Variants in GRID2 observed in about 807,000 individuals in gnomAD.
GRID2 encodes the protein glutamate receptor ionotropic, delta-2.
A neutral mutation model predicts 114.8 loss-of-function variants in GRID2; 33 were observed. The ratio of observed to expected loss-of-function variants is 0.29; its 90% confidence interval spans 0.22 to 0.38. The LOEUF (loss-of-function observed/expected upper bound fraction) is 0.38. GRID2 is among the 10% of genes least tolerant of loss of function. The probability of loss-of-function intolerance (pLI) is 1.00; values close to 1 mark genes in which losing one functional copy is unlikely to be tolerated. For synonymous variants in GRID2, 505 were observed against 449.9 expected, an observed-to-expected ratio of 1.12 and a Z score of -1.55; for missense variants, 1,184 against 1,257.7, an observed-to-expected ratio of 0.94 and a Z score of 0.89.
At chr4:93,280,883 T>G (rs1365593851) in intron 8 of GRID2, among the ~76,000 whole-genome samples, 1 of 151,904 alleles carries the variant, frequency 6.6e-6, no homozygotes, top group Non-Finnish European at 1.5e-5. Flanking sequence ...CAACAAATAT[T>G]TGACTCCTAC....
At chr4:93,718,512 A>G (rs1442967107) in intron 14 of GRID2, among the ~76,000 whole-genome samples, 2 of 152,196 alleles carry the variant, frequency 1.3e-5, no homozygotes, top group Non-Finnish European at 2.9e-5. Context: ...GTTTGCTTTA[A>G]TTTTATTTTA....
chr4:92,614,282 T>C (rs1349377668), intron 2 of GRID2, among the ~76,000 whole-genome samples: 2 of 151,596 alleles, frequency 1.3e-5, no homozygotes, highest in African/African-American at 4.8e-5. Flanking sequence ...ATGAGAACTA[T>C]TTGCTTTTTT....
chr4:92,693,213 T>C (rs1241458007), intron 2 of GRID2, among the ~76,000 whole-genome samples: 1 of 152,126 alleles, frequency 6.6e-6, no homozygotes, highest in Non-Finnish European at 1.5e-5. Context: ...CAAATGTGAA[T>C]GTAGAGAATT....
chr4:93,170,088 C>G (rs1738649213), intron 4 of GRID2, among the ~76,000 whole-genome samples: 1 of 151,876 alleles, frequency 6.6e-6, no homozygotes. Flanking sequence ...ATCACATAAC[C>G]ATTTTATTTT....
chr4:92,965,450 TAA>T (rs869285420), intron 2 of GRID2, among the ~76,000 whole-genome samples: 14 of 85,768 alleles, frequency 1.6e-4, no homozygotes, highest in Non-Finnish European at 2.2e-4. Flanking sequence ...ATTCAATTTG[TAA>T]AAAAAAAAAA....
intron 8 of GRID2, among the ~76,000 whole-genome samples, chr4:93,341,218 T>A (rs1759615349): frequency 6.6e-6 from 1 of 152,212 alleles, no homozygotes; most frequent in Admixed American, 6.5e-5. Flanking sequence ...TTTCGGTAGA[T>A]ACTACATATG....
intron 2 of GRID2, among the ~76,000 whole-genome samples, chr4:92,796,840 C>T (rs925087992): frequency 1.3e-5 from 2 of 151,796 alleles, no homozygotes. Flanking sequence ...ATAATGACTT[C>T]ACTTGTTCTC....
chr4:92,319,352 A>T (rs899910507), intron 1 of GRID2, among the ~76,000 whole-genome samples: 1 of 152,232 alleles, frequency 6.6e-6, no homozygotes, highest in Non-Finnish European at 1.5e-5. Flanking sequence ...ACCTTCTTGC[A>T]GCCAATTGAG....
At chr4:93,482,502 C>T (rs1232835760) in intron 11 of GRID2, among the ~76,000 whole-genome samples, 8 of 151,802 alleles carry the variant, frequency 5.3e-5, no homozygotes, top group Middle Eastern at 3.4e-3. Context: ...CACATGGACA[C>T]GGAGGGAAAC....
intron 13 of GRID2, among the ~76,000 whole-genome samples, chr4:93,586,263 T>C (rs1418680587): frequency 6.6e-6 from 1 of 152,048 alleles, no homozygotes; most frequent in East Asian, 1.9e-4. Flanking sequence ...GATGTTTCCC[T>C]CATACTCAGG....
chr4:92,497,420 G>A (rs1195677246), intron 1 of GRID2, among the ~76,000 whole-genome samples: 1 of 151,694 alleles, frequency 6.6e-6, no homozygotes, highest in Non-Finnish European at 1.5e-5. Context: ...GCTAGATGTT[G>A]TTCAACACCA....
chr4:92,922,040 G>A (rs974987475), intron 2 of GRID2, among the ~76,000 whole-genome samples: 3 of 152,206 alleles, frequency 2.0e-5, no homozygotes, highest in African/African-American at 7.2e-5. Flanking sequence ...TCAAGCCTGG[G>A]CAATTGTGGG....
At chr4:93,794,782 C>G (rs1734764270) in intron 1 of GRID2, among the ~76,000 whole-genome samples, 1 of 152,202 alleles carries the variant, frequency 6.6e-6, no homozygotes, top group African/African-American at 2.4e-5. Context: ...TTTCTCCCCA[C>G]TCCCCTTCTC....
In GRID2 at chr4:93,598,978, A is replaced by AT. The variant is rs564866748; in HGVS notation, c.2194-27285dup. The stretch of plus-strand genomic sequence containing the variant: ...TCACTAAATAATGCTGTTAATGCTA[A>AT]TTTTTTCTTTTTAAGTTTTTCAGTA... On this transcript the variant is annotated intron_variant, in intron 13 of 15. Coordinates refer to ENST00000282020, the MANE Select transcript of GRID2 (RefSeq NM_001510.4). 2.4e-4 allele frequency among the ~76,000 whole-genome samples: 36 copies of AT among 152,300 alleles called. No homozygotes were observed. In the South Asian group the frequency reaches 3.3e-3, roughly 14 times the overall value.
chr4:93,056,094 G>T (rs959348201), intron 2 of GRID2, among the ~76,000 whole-genome samples: 3 of 151,930 alleles, frequency 2.0e-5, no homozygotes, highest in Non-Finnish European at 4.4e-5. Context: ...TCTTAGAGCA[G>T]TTTGGAAACC....
At chr4:93,578,206 C>T (rs994072227) in intron 13 of GRID2, among the ~76,000 whole-genome samples, 1 of 152,148 alleles carries the variant, frequency 6.6e-6, no homozygotes, top group South Asian at 2.1e-4. Flanking sequence ...CTTGTCTGCA[C>T]GGGATTGCGC....
intron 2 of GRID2, among the ~76,000 whole-genome samples, chr4:92,954,550 C>T (rs1396276875): frequency 6.6e-6 from 1 of 151,974 alleles, no homozygotes; most frequent in Non-Finnish European, 1.5e-5. Context: ...CCTCAGCCTC[C>T]CAAGTAGCTG....
At chr4:93,519,886 A>G (rs550258382) in intron 13 of GRID2, among the ~76,000 whole-genome samples, 2 of 152,240 alleles carry the variant, frequency 1.3e-5, no homozygotes, top group African/African-American at 4.8e-5. Context: ...GGGTGCTATT[A>G]CTGGGGGGAA....
intron 8 of GRID2, among the ~76,000 whole-genome samples, chr4:93,385,588 A>G (rs1475205938): frequency 2.0e-5 from 3 of 152,146 alleles, no homozygotes; most frequent in Admixed American, 6.5e-5. Flanking sequence ...ATCTTTGCCT[A>G]TGGAACTTGC....
Sources: allele counts gnomAD v4.1 joint callset (sites outside exome capture counted in the v4.1 genomes callset), GRCh38; gene constraint gnomAD v4.1.1; transcripts MANE v1.5; gene names NCBI Gene and HGNC (gene_info 2026-07-23, HGNC 2026-07-21).